MYRFL: variants seen among roughly 807,000 people sequenced by gnomAD.
MYRFL encodes myelin regulatory factor like.
Under a neutral mutation model 109.4 loss-of-function variants are expected in MYRFL, and 88 were observed. That is an observed-to-expected ratio of 0.80 (90% CI 0.68 to 0.96). The LOEUF (loss-of-function observed/expected upper bound fraction) is 0.96. MYRFL is among the 40% of genes least tolerant of loss of function. MYRFL has a pLI of 0.00. For synonymous variants in MYRFL, 324 were observed against 320.9 expected, an observed-to-expected ratio of 1.01 and a Z score of -0.10; for missense variants, 957 against 954.9, an observed-to-expected ratio of 1.00 and a Z score of -0.03.
chr12:69,948,754 C>A (rs1244821882), intron 19 of MYRFL, among the ~76,000 whole-genome samples: 2 of 152,048 alleles, frequency 1.3e-5, no homozygotes, highest in African/African-American at 4.8e-5. Context: ...ATATCAGGAC[C>A]CATTTCTTCT....
At chr12:69,879,005 C>T in intron 2 of MYRFL, 23 bp from the exon 3 acceptor site, 1 of 702,854 alleles carries the variant, frequency 1.4e-6, no homozygotes, top group South Asian at 1.5e-5. Context: ...AACAAAAACG[C>T]AATGTATGTC....
intron 13 of MYRFL, among the ~76,000 whole-genome samples, chr12:69,926,270 T>A (rs1955078915): frequency 6.6e-6 from 1 of 152,102 alleles, no homozygotes; most frequent in South Asian, 2.1e-4. Context: ...ATAATGGCCA[T>A]TGAAAATAAA....
chr12:69,832,907 T>A (rs1882716720), intron 1 of MYRFL, among the ~76,000 whole-genome samples: 1 of 151,620 alleles, frequency 6.6e-6, no homozygotes, highest in African/African-American at 2.4e-5. Flanking sequence ...TGGATGGTAG[T>A]ACAATGTACT....
intron 19 of MYRFL, among the ~76,000 whole-genome samples, chr12:69,938,544 A>G (rs1955537382): frequency 6.6e-6 from 1 of 152,190 alleles, no homozygotes; most frequent in African/African-American, 2.4e-5. Context: ...TAAGATAATA[A>G]TTGAGCTGAA....
chr12:69,917,099 CT>C (rs1378097750), intron 13 of MYRFL, among the ~76,000 whole-genome samples: 3 of 152,128 alleles, frequency 2.0e-5, no homozygotes, highest in Non-Finnish European at 4.4e-5. Flanking sequence ...GCCCTAAAGA[CT>C]CTTCAGATGA....
At position 69,935,964 on chromosome 12, in the gene MYRFL, T is replaced by A. The variant is rs547244063; in HGVS notation, c.1917-149T>A. ...TAACTGTGCTGGTTTCCATGGTGTT[T>A]CTGTCAGCCGTGGCCATCCCCTCCC... On this transcript the variant is annotated intron_variant, in intron 16 of 24. Transcript: ENST00000552032. 2.9e-3 allele frequency: 2,503 copies of A among 849,810 alleles called. 6 individuals are homozygous for A. The highest frequency in any genetic ancestry group is 4.1e-3 in the Non-Finnish European group (2,346 of 566,720). 52.6% of individuals were successfully genotyped at this position (849,810 alleles called of 1,614,324 possible).
At chr12:69,859,884 G>T (rs1393408610) in intron 2 of MYRFL, among the ~76,000 whole-genome samples, 1 of 152,038 alleles carries the variant, frequency 6.6e-6, no homozygotes, top group African/African-American at 2.4e-5. Context: ...CATCTAGGAA[G>T]TCTATTTGGT....
At chr12:69,935,150 A>G (rs1240543194) in intron 16 of MYRFL, among the ~76,000 whole-genome samples, 1 of 152,236 alleles carries the variant, frequency 6.6e-6, no homozygotes, top group African/African-American at 2.4e-5. Context: ...GCTGCTGAGA[A>G]CACTTTGGGA....
chr12:69,903,124 T>A (rs1954242761), intron 10 of MYRFL, among the ~76,000 whole-genome samples: 1 of 152,216 alleles, frequency 6.6e-6, no homozygotes, highest in South Asian at 2.1e-4. Flanking sequence ...GAATAGTTGA[T>A]GTATATTAAA....
intron 1 of MYRFL, among the ~76,000 whole-genome samples, chr12:69,835,638 CTTT>C (rs1425024083): frequency 6.6e-6 from 1 of 152,194 alleles, no homozygotes; most frequent in African/African-American, 2.4e-5. Flanking sequence ...CAATGATCCT[CTTT>C]TTTTCTTCCA....
intron 1 of MYRFL, among the ~76,000 whole-genome samples, chr12:69,827,814 G>A (rs1206989453): frequency 1.3e-5 from 2 of 151,928 alleles, no homozygotes; most frequent in East Asian, 3.9e-4. Context: ...GATATATATA[G>A]ATAACTTTCT....
rs77606338 is a variant in MYRFL, at chr12:69,855,983, T to C, written c.137+613T>C. 5.9e-5 allele frequency among the ~76,000 whole-genome samples: 9 copies of C among 152,330 alleles called. No individual in the cohort carries two copies. In the East Asian group the frequency reaches 1.7e-3, roughly 29 times the overall value. ...ATCTACTGAAGTTCAAATTTTTGTA[T>C]AAATTTCTGAGTTTTGACAAGTTCA... is the stretch of plus-strand genomic sequence containing the variant. On this transcript the variant is annotated intron_variant, in intron 2 of 24. Transcript: ENST00000552032.
chr12:69,952,933 C>T (rs888761906), intron 21 of MYRFL, 47 bp downstream of exon 21: 4 of 1,362,132 alleles, frequency 2.9e-6, no homozygotes, highest in African/African-American at 2.9e-5. Flanking sequence ...GGAATTTACC[C>T]ATGGCTCTGG....
At chr12:69,910,633 CAAAAA>C (rs5798959) in intron 12 of MYRFL, among the ~76,000 whole-genome samples, 183 bp from the exon 13 acceptor site, 6 of 125,442 alleles carry the variant, frequency 4.8e-5, no homozygotes, top group Non-Finnish European at 6.9e-5. Context: ...CCCAGAGTCT[CAAAAA>C]AAAAAAAAAA....
intron 13 of MYRFL, among the ~76,000 whole-genome samples, chr12:69,912,579 G>A (rs1201403851): frequency 6.6e-6 from 1 of 151,992 alleles, no homozygotes; most frequent in Non-Finnish European, 1.5e-5. Flanking sequence ...TTTGTGGCTG[G>A]CTTATTTCAC....
chr12:69,885,960 C>G (rs1013411125), intron 5 of MYRFL, among the ~76,000 whole-genome samples: 1 of 151,912 alleles, frequency 6.6e-6, no homozygotes, highest in Non-Finnish European at 1.5e-5. Context: ...AAGTAAGACT[C>G]CAAGTGAATA....
chr12:69,863,671 G>A (rs189480329), intron 2 of MYRFL, among the ~76,000 whole-genome samples: 1 of 152,256 alleles, frequency 6.6e-6, no homozygotes. Context: ...CAACACTCAT[G>A]TATATGTTGA....
intron 2 of MYRFL, among the ~76,000 whole-genome samples, chr12:69,866,731 G>T (rs931432205): frequency 2.6e-5 from 4 of 152,160 alleles, no homozygotes; most frequent in African/African-American, 9.7e-5. Flanking sequence ...CTCATAGGCA[G>T]ATTTTCAGAT....
rs150464923 is a variant in MYRFL at position 69,845,983 on chromosome 12, C to T, written c.47-9297C>T. Among the ~76,000 whole-genome samples the T allele has an allele frequency of 3.3e-5, 5 of 152,022 alleles. No individual in the cohort carries two copies. The East Asian group carries it at 9.7e-4, about 29-fold the overall frequency. ...ATGGGATTGAGTGCATTTGTTTATC[C>T]GTGGCAGCTTAGAGAACAGTTGACT... On this transcript the variant is annotated intron_variant, in intron 1 of 24. Transcript: ENST00000552032.
Sources: gnomAD v4.1 joint callset for allele counts (sites outside exome capture counted in the v4.1 genomes callset) on GRCh38, gnomAD v4.1.1 for gene constraint, MANE v1.5 for transcripts, NCBI Gene and HGNC (gene_info 2026-07-23, HGNC 2026-07-21) for gene names.